The following EPB41L2 variants were observed in gnomAD, a reference collection of about 807,000 sequenced individuals.
EPB41L2 encodes the protein band 4.1-like protein 2.
Under a neutral mutation model 113.0 loss-of-function variants are expected in EPB41L2, and 43 were observed. That is an observed-to-expected ratio of 0.38 (90% CI 0.30 to 0.49). The LOEUF (loss-of-function observed/expected upper bound fraction) is 0.49. Among genes scored for constraint, EPB41L2 ranks in the 20% least tolerant of loss-of-function variants. EPB41L2 has a pLI of 0.95. For synonymous variants in EPB41L2, 442 were observed against 436.7 expected (o/e 1.01, Z -0.15); for missense variants, 1,147 against 1,223.4 (o/e 0.94, Z 0.93).
intron 1 of EPB41L2, among the ~76,000 whole-genome samples, chr6:131,053,668 C>T (rs1027805380): frequency 1.3e-5 from 2 of 152,116 alleles, no homozygotes; most frequent in Non-Finnish European, 2.9e-5. Context: ...AAACACTGCA[C>T]TTGGGGCGTG....
At chr6:131,009,831 C>A (rs1786491996) in intron 1 of EPB41L2, among the ~76,000 whole-genome samples, 2 of 152,198 alleles carry the variant, frequency 1.3e-5, no homozygotes, top group African/African-American at 4.8e-5. Context: ...TGGTAATATT[C>A]TCTCTTAATT....
At chr6:130,909,515 T>C (rs1798704635) in intron 4 of EPB41L2, among the ~76,000 whole-genome samples, 1 of 152,074 alleles carries the variant, frequency 6.6e-6, no homozygotes, top group African/African-American at 2.4e-5. Flanking sequence ...CTCAGACTGC[T>C]GTGCTGGCAG....
At chr6:130,912,154 C>A (rs1246491351) in intron 4 of EPB41L2, among the ~76,000 whole-genome samples, 1 of 152,180 alleles carries the variant, frequency 6.6e-6, no homozygotes, top group African/African-American at 2.4e-5. Context: ...CATGCCAAAA[C>A]CATTCCCTCA....
At chr6:131,056,977 G>T (rs1180128535) in intron 1 of EPB41L2, among the ~76,000 whole-genome samples, 1 of 151,866 alleles carries the variant, frequency 6.6e-6, no homozygotes, top group Non-Finnish European at 1.5e-5. Flanking sequence ...GGTAAATGGG[G>T]GTCAACTAAA....
intron 1 of EPB41L2, among the ~76,000 whole-genome samples, chr6:131,038,613 C>T (rs1374276566): frequency 6.6e-6 from 1 of 152,174 alleles, no homozygotes; most frequent in East Asian, 1.9e-4. Context: ...AACTAAAATA[C>T]AGTATAACCT....
chr6:130,924,561 T>A (rs9492757), intron 4 of EPB41L2, among the ~76,000 whole-genome samples: 3,780 of 152,146 alleles, frequency 0.025, 181 homozygotes, highest in African/African-American at 0.087. Flanking sequence ...GTATTTTTAA[T>A]AGTAGAGACG....
At chr6:130,848,847 C>T (rs1307653111) in intron 19 of EPB41L2, among the ~76,000 whole-genome samples, 1 of 152,190 alleles carries the variant, frequency 6.6e-6, no homozygotes, top group East Asian at 1.9e-4. Flanking sequence ...ACAGAAAAGC[C>T]TTGAGATAAA....
intron 1 of EPB41L2, among the ~76,000 whole-genome samples, chr6:130,980,809 A>G (rs1779229951): frequency 6.6e-6 from 1 of 152,186 alleles, no homozygotes; most frequent in South Asian, 2.1e-4. Flanking sequence ...TTTTAACACT[A>G]TAAGAAAAGT....
In EPB41L2 at chr6:130,991,196, G is replaced by A. The variant is rs113317993; in HGVS notation, c.-14-34697C>T. On this transcript the variant is annotated intron_variant, in intron 1 of 19. Transcript: ENST00000337057. Reference sequence around the variant, plus strand: ...TCTGAACTTAAAATGTCAATTTTGCGTCTGTCATACTCCTTTTCTACCCTG... The same window carrying A: ...TCTGAACTTAAAATGTCAATTTTGCATCTGTCATACTCCTTTTCTACCCTG... Among the ~76,000 whole-genome samples the A allele has an allele frequency of 8.7e-3, 1,325 of 152,144 alleles. 11 individuals carry two copies. Among genetic ancestry groups the A allele is most frequent in the African/African-American group, 0.03 (1,232 of 41,498 alleles).
intron 1 of EPB41L2, among the ~76,000 whole-genome samples, chr6:131,047,870 G>A (rs573573271): frequency 1.3e-5 from 2 of 152,204 alleles, no homozygotes; most frequent in African/African-American, 4.8e-5. Flanking sequence ...GGCTGGGCGC[G>A]GTGGCTCATG....
chr6:130,868,884 T>C (rs1269051622), intron 15 of EPB41L2: 2 of 152,246 alleles, frequency 1.3e-5, no homozygotes, highest in East Asian at 1.9e-4. Context: ...GACATCAGGA[T>C]AGAATGAGAA....
chr6:131,008,806 C>A (rs1455217794), intron 1 of EPB41L2, among the ~76,000 whole-genome samples: 3 of 152,166 alleles, frequency 2.0e-5, no homozygotes, highest in Admixed American at 6.5e-5. Context: ...TTAGGTGGGG[C>A]CTGTAGCCCC....
At chr6:130,879,139 G>C (rs1480640213) in intron 13 of EPB41L2, among the ~76,000 whole-genome samples, 1 of 152,080 alleles carries the variant, frequency 6.6e-6, no homozygotes, top group Non-Finnish European at 1.5e-5. Context: ...GGCCACCTGT[G>C]GATTATAGCT....
chr6:130,849,504 G>A (rs904765314), intron 19 of EPB41L2, among the ~76,000 whole-genome samples: 3 of 152,106 alleles, frequency 2.0e-5, no homozygotes, highest in African/African-American at 7.2e-5. Flanking sequence ...CAAGTTACTA[G>A]GCTGTGTGAT....
intron 1 of EPB41L2, among the ~76,000 whole-genome samples, chr6:131,028,969 C>T (rs1365134195): frequency 1.3e-5 from 2 of 152,078 alleles, no homozygotes; most frequent in Non-Finnish European, 2.9e-5. Flanking sequence ...TAAGGGTACA[C>T]CAAAATGACT....
At position 130,840,517 on chromosome 6, in the gene EPB41L2, T is replaced by G. The variant is rs560608512; in HGVS notation, c.*87A>C. On this transcript the variant is annotated 3_prime_UTR_variant, in exon 20 of 20. Transcript: ENST00000337057. The stretch of plus-strand genomic sequence containing the variant: ...CAGTTGTAGCATAAATTCGCTGGAA[T>G]AGTGGTGTGGCATTAAGACTTGGAA... The G allele has an allele frequency of 1.3e-5, 2 of 151,312 alleles. No homozygotes were observed. The highest frequency in any genetic ancestry group is 1.3e-4 in the Admixed American group (2 of 15,110). The allele number at this position is 151,312 out of a possible 1,614,324, so 9.4% of individuals were successfully genotyped here.
At chr6:131,059,058 C>A (rs911067841) in intron 1 of EPB41L2, among the ~76,000 whole-genome samples, 3 of 151,158 alleles carry the variant, frequency 2.0e-5, no homozygotes, top group Non-Finnish European at 4.4e-5. Context: ...AACTATAAAT[C>A]ATTTCTAGAT....
At chr6:131,003,632 C>A (rs1044577466) in intron 1 of EPB41L2, among the ~76,000 whole-genome samples, 1 of 152,054 alleles carries the variant, frequency 6.6e-6, no homozygotes, top group Non-Finnish European at 1.5e-5. Flanking sequence ...AGTGACTGAA[C>A]GCAAGTAACC....
intron 1 of EPB41L2, among the ~76,000 whole-genome samples, chr6:130,962,298 G>C (rs1300813498): frequency 6.6e-6 from 1 of 152,006 alleles, no homozygotes; most frequent in Non-Finnish European, 1.5e-5. Flanking sequence ...GAGGAAGTGG[G>C]GTGGGAAGGG....
Sources: allele counts gnomAD v4.1 joint callset (sites outside exome capture counted in the v4.1 genomes callset), GRCh38; gene constraint gnomAD v4.1.1; transcripts MANE v1.5; gene names NCBI Gene and HGNC (gene_info 2026-07-23, HGNC 2026-07-21).